Variants in ANKRD44 observed in about 807,000 individuals in gnomAD.
ANKRD44 encodes ankyrin repeat domain 44.
In ANKRD44, 35 loss-of-function variants were observed where a neutral mutation model predicts 116.0. That is an observed-to-expected ratio of 0.30 (90% confidence interval 0.23 to 0.40). ANKRD44 has a LOEUF of 0.40. Among genes scored for constraint, ANKRD44 ranks in the 10% least tolerant of loss-of-function variants. The pLI is 1.00. For synonymous variants in ANKRD44, 435 were observed against 461.8 expected (o/e 0.94, Z 0.74); for missense variants, 1,014 against 1,242.6 (o/e 0.82, Z 2.77).
chr2:197,275,042 G>A (rs2083033279), intron 1 of ANKRD44, among the ~76,000 whole-genome samples: 1 of 148,992 alleles, frequency 6.7e-6, no homozygotes, highest in Non-Finnish European at 1.5e-5. Context: ...TTTGAATTTT[G>A]AGGCTACAGT....
At chr2:196,989,905 A>T in intron 27 of ANKRD44, 2 of 1,162,974 alleles carry the variant, frequency 1.7e-6, no homozygotes, top group Non-Finnish European at 2.1e-6. Context: ...AACAAAGGGT[A>T]GTTTCATACT....
intron 8 of ANKRD44, among the ~76,000 whole-genome samples, chr2:197,116,747 A>C (rs887593686): frequency 2.0e-5 from 3 of 152,142 alleles, no homozygotes; most frequent in Non-Finnish European, 4.4e-5. Flanking sequence ...TCACCTTTAC[A>C]TGAATGAAGC....
chr2:197,186,954 A>T, intron 2 of ANKRD44, 69 bp downstream of exon 2: 1 of 1,309,074 alleles, frequency 7.6e-7, no homozygotes, highest in Non-Finnish European at 1.1e-6. Flanking sequence ...CATGGTATAT[A>T]AAAGGTTAAG....
chr2:197,125,726 G>A, intron 5 of ANKRD44, 111 bp downstream of exon 5: 11 of 1,252,902 alleles, frequency 8.8e-6, no homozygotes, highest in Non-Finnish European at 1.1e-6. Flanking sequence ...AAGGTTTGGT[G>A]TACAAATATT....
At chr2:197,030,423 G>C (rs1184695003) in intron 16 of ANKRD44, among the ~76,000 whole-genome samples, 1 of 152,176 alleles carries the variant, frequency 6.6e-6, no homozygotes, top group Non-Finnish European at 1.5e-5. Context: ...AGAGAAGCAA[G>C]ACACAGGGAT....
At chr2:197,146,357 C>T (rs967682197) in intron 3 of ANKRD44, among the ~76,000 whole-genome samples, 2 of 152,110 alleles carry the variant, frequency 1.3e-5, no homozygotes, top group Non-Finnish European at 2.9e-5. Flanking sequence ...TGTTTTTATG[C>T]TTTCATCACA....
rs374386037 is a variant in ANKRD44 at position 197,013,633 on chromosome 2, C to A, written c.1802G>T (p.Arg601Leu). ...AAAGGCAGCCAGATCCAGAGCAGTG[C>A]GGCCTTTCTCATCCCTGATGTCCAG... ...VDLDIRDEKGRTALDLAAFKG... is the reference protein window; with the variant it reads ...VDLDIRDEKGLTALDLAAFKG... The change falls in exon 18 of 28, where the codon CGC (arginine) becomes CTC (leucine). Residue 601 changes from arginine (R) to leucine (L), a missense_variant. Transcript: ENST00000282272. 1.2e-6 allele frequency: 2 copies of A among 1,614,114 alleles called. No homozygotes were observed. Among genetic ancestry groups the A allele is most frequent in the Non-Finnish European group, 1.7e-6 (2 of 1,180,036 alleles).
intron 9 of ANKRD44, among the ~76,000 whole-genome samples, chr2:197,101,567 G>T (rs1408893783): frequency 1.3e-5 from 2 of 152,070 alleles, no homozygotes; most frequent in East Asian, 3.8e-4. Context: ...CTTAAAAATG[G>T]CTAAAACGGT....
chr2:197,253,684 G>A (rs116824602), intron 1 of ANKRD44, among the ~76,000 whole-genome samples: 8 of 152,204 alleles, frequency 5.3e-5, no homozygotes, highest in Non-Finnish European at 8.8e-5. Context: ...CCATGTAGGT[G>A]TTTAAATCAC....
chr2:196,997,974 C>G (rs1574242238), intron 25 of ANKRD44, among the ~76,000 whole-genome samples: 1 of 152,174 alleles, frequency 6.6e-6, no homozygotes, highest in South Asian at 2.1e-4. Context: ...ACTGCTTATA[C>G]TTTACAAGCC....
intron 17 of ANKRD44, among the ~76,000 whole-genome samples, chr2:197,016,466 T>C (rs2076395367): frequency 6.6e-6 from 1 of 152,178 alleles, no homozygotes; most frequent in South Asian, 2.1e-4. Flanking sequence ...AGGTGTTTCC[T>C]TGTGAGTTAA....
chr2:197,083,459 G>A lies in ANKRD44; in HGVS notation c.1367C>T (p.Thr456Ile). Residue 456 changes from threonine (T) to isoleucine (I), a missense_variant, in exon 14 of 28, where the codon ACA becomes ATA. Physicochemically the swap from Thr to Ile is moderately conservative, Grantham distance 89. Coordinates refer to ENST00000282272, the MANE Select transcript of ANKRD44 (RefSeq NM_001195144.2). Reference protein sequence around the residue: ...AANCHFHCIETLVTTGANVNE... With the variant: ...AANCHFHCIEILVTTGANVNE... ...AACGTTGGCCCCTGTGGTCACTAAT[G>A]TCTCAATACAGTGGAAATGACAATT... 1 of 1,613,942 alleles carries A rather than the reference G, an allele frequency of 6.2e-7. No individual in the cohort carries two copies. The highest frequency in any genetic ancestry group is 8.5e-7 in the Non-Finnish European group (1 of 1,179,902).
chr2:197,094,476 G>A (rs2078115600), intron 10 of ANKRD44, among the ~76,000 whole-genome samples: 2 of 152,192 alleles, frequency 1.3e-5, no homozygotes, highest in Admixed American at 1.3e-4. Flanking sequence ...TTGGTAATCA[G>A]CAGTACATGA....
At chr2:197,110,313 T>C (rs752457866) in intron 9 of ANKRD44, among the ~76,000 whole-genome samples, 35 of 152,216 alleles carry the variant, frequency 2.3e-4, no homozygotes, top group Non-Finnish European at 4.6e-4. Flanking sequence ...TATCACATCC[T>C]TACCTGCTTT....
intron 1 of ANKRD44, among the ~76,000 whole-genome samples, chr2:197,188,106 G>A (rs2080730794): frequency 6.6e-6 from 1 of 152,184 alleles, no homozygotes; most frequent in African/African-American, 2.4e-5. Context: ...TACATCTACT[G>A]CTTATTAAAA....
At chr2:197,222,479 C>T (rs1341742733) in intron 1 of ANKRD44, among the ~76,000 whole-genome samples, 1 of 152,206 alleles carries the variant, frequency 6.6e-6, no homozygotes, top group Non-Finnish European at 1.5e-5. Context: ...ACATTCTCTG[C>T]CCTCATTCTT....
chr2:197,109,263 A>G (rs1040866048), intron 9 of ANKRD44, among the ~76,000 whole-genome samples: 1 of 152,248 alleles, frequency 6.6e-6, no homozygotes, highest in Non-Finnish European at 1.5e-5. Flanking sequence ...TGCTCGAAAG[A>G]GACTAGGGTC....
chr2:197,138,302 A>G (rs1250043875), intron 3 of ANKRD44, among the ~76,000 whole-genome samples: 2 of 152,232 alleles, frequency 1.3e-5, no homozygotes, highest in African/African-American at 2.4e-5. Flanking sequence ...TCTTTGCCCT[A>G]CAAAGGAAGA....
intron 27 of ANKRD44, chr2:196,990,604 A>C: frequency 8.1e-7 from 1 of 1,231,390 alleles, no homozygotes; most frequent in Non-Finnish European, 1.0e-6. Context: ...ACTTGAATAC[A>C]ACATAAACCT....
Sources: allele counts gnomAD v4.1 joint callset (sites outside exome capture counted in the v4.1 genomes callset), GRCh38; gene constraint gnomAD v4.1.1; transcripts MANE v1.5; gene names NCBI Gene and HGNC (gene_info 2026-07-23, HGNC 2026-07-21).